Variants in PCSK5 observed in about 807,000 individuals in gnomAD.
PCSK5 encodes the protein proprotein convertase subtilisin/kexin type 5.
Under a neutral mutation model 233.2 loss-of-function variants are expected in PCSK5, and 129 were observed. The ratio of observed to expected loss-of-function variants is 0.55; its 90% CI spans 0.48 to 0.64. PCSK5 has a LOEUF of 0.64. Ranked by LOEUF, PCSK5 falls within the 30% of genes least tolerant of loss-of-function variation. The pLI, the probability that PCSK5 is intolerant of heterozygous loss-of-function variation, is 0.00. For missense variants in PCSK5, 2,076 were observed against 2,430.1 expected (o/e 0.85, Z 3.06); for synonymous variants, 825 against 879.2 (o/e 0.94, Z 1.09).
chr9:76,164,629 G>T (rs1251415028), intron 12 of PCSK5, among the ~76,000 whole-genome samples: 1 of 152,130 alleles, frequency 6.6e-6, no homozygotes, highest in African/African-American at 2.4e-5. Context: ...AAGCTCCCAG[G>T]TGATCCTGAA....
At chr9:76,023,040 C>T (rs1006862783) in intron 3 of PCSK5, among the ~76,000 whole-genome samples, 2 of 152,170 alleles carry the variant, frequency 1.3e-5, no homozygotes, top group South Asian at 4.2e-4. Context: ...GGCTTCTAGG[C>T]GCGTGGTTGA....
chr9:76,096,736 G>T (rs1831531523), intron 8 of PCSK5, among the ~76,000 whole-genome samples: 1 of 151,576 alleles, frequency 6.6e-6, no homozygotes, highest in Non-Finnish European at 1.5e-5. Context: ...CAAGTAGCTG[G>T]AATTACAGGT....
At position 75,953,879 on chromosome 9, in the gene PCSK5, AT is replaced by A. The variant is rs767359245; in HGVS notation, c.297+21400del. Among the ~76,000 whole-genome samples, 102 of 152,074 alleles carry A rather than the reference AT, an allele frequency of 6.7e-4. 1 individual carries two copies. Among genetic ancestry groups the A allele is most frequent in the Non-Finnish European group, 8.8e-4 (60 of 68,024 alleles). The stretch of plus-strand genomic sequence containing the variant: ...ATTATAAGAGTTGAGTAGAGATGGC[AT>A]TTTACTTATGAGCCCCATTGAAGTC... On this transcript the variant is annotated intron_variant, in intron 2 of 37. Transcript: ENST00000674117.
intron 3 of PCSK5, among the ~76,000 whole-genome samples, chr9:75,986,575 A>T (rs1826524625): frequency 2.6e-5 from 4 of 152,208 alleles, no homozygotes; most frequent in South Asian, 4.1e-4. Flanking sequence ...CCTATCAATA[A>T]TCATGTTACC....
chr9:75,903,895 A>T (rs1014621618), intron 1 of PCSK5, among the ~76,000 whole-genome samples: 3 of 151,982 alleles, frequency 2.0e-5, no homozygotes, highest in Admixed American at 6.6e-5. Context: ...CTGCCTACTC[A>T]TCCTGTGCCT....
Position 76,190,113 on chromosome 9 carries a change from C to T in PCSK5, c.2626+367C>T, listed in dbSNP as rs34756671. 4.1e-4 allele frequency among the ~76,000 whole-genome samples: 62 copies of T among 152,254 alleles called. 1 individual carries two copies. In the East Asian group the frequency reaches 0.011, roughly 27 times the overall value. ...CTTCCCCCACTATCAACATCAAGCA[C>T]TAGAGGAATACATTTGTTACAGTTG... On this transcript the variant is annotated intron_variant, in intron 20 of 37. Coordinates refer to ENST00000674117, the MANE Select transcript of PCSK5 (RefSeq NM_001372043.1).
chr9:76,097,866 T>G (rs1463482286), intron 8 of PCSK5, among the ~76,000 whole-genome samples: 2 of 152,238 alleles, frequency 1.3e-5, no homozygotes, highest in African/African-American at 2.4e-5. Flanking sequence ...CCCTTTTTCC[T>G]GATCATGATT....
Position 76,181,571 on chromosome 9 carries a change from A to G in PCSK5, c.2177A>G (p.Asp726Gly), listed in dbSNP as rs148860925. ...ETNSCVTHCP[D>G]GSYQDTKKNL... Reference sequence around the variant, plus strand: ...AACAGCTGTGTTACTCACTGCCCTGATGGGTCATATCAGGATACCAGTAAG... The same window carrying G: ...AACAGCTGTGTTACTCACTGCCCTGGTGGGTCATATCAGGATACCAGTAAG... The change falls in exon 16 of 38, where the codon GAT (aspartate) becomes GGT (glycine). Residue 726 changes from aspartate (D) to glycine (G), a missense_variant. This residue lies in a region of PCSK5 where 1,510 missense variants were observed against 1,538.1 expected (regional missense o/e 0.98). Transcript: ENST00000674117. 7.4e-6 allele frequency: 12 copies of G among 1,612,858 alleles called. No homozygotes were observed. The African/African-American group carries it at 1.2e-4, about 16-fold the overall frequency.
intron 22 of PCSK5, among the ~76,000 whole-genome samples, chr9:76,234,568 T>C (rs1023680802): frequency 5.3e-5 from 8 of 152,240 alleles, no homozygotes; most frequent in Non-Finnish European, 8.8e-5. Context: ...TTTCTGTATA[T>C]AAATTCATTG....
chr9:76,112,535 C>T (rs1309504365), intron 9 of PCSK5, among the ~76,000 whole-genome samples: 1 of 152,060 alleles, frequency 6.6e-6, no homozygotes, highest in African/African-American at 2.4e-5. Flanking sequence ...GGTAGGCTCA[C>T]CTACTTTCTC....
At chr9:76,100,710 A>G (rs1831719374) in intron 8 of PCSK5, among the ~76,000 whole-genome samples, 1 of 152,174 alleles carries the variant, frequency 6.6e-6, no homozygotes, top group Admixed American at 6.5e-5. Context: ...TTTAGAATAT[A>G]TACATTTCCA....
rs146917783 is a variant in PCSK5, at chr9:76,213,136, G to A, written c.2627-14367G>A. 1.1e-4 allele frequency among the ~76,000 whole-genome samples: 16 copies of A among 152,292 alleles called. No individual in the cohort carries two copies. The East Asian group carries it at 2.7e-3, about 26-fold the overall frequency. On this transcript the variant is annotated intron_variant, in intron 20 of 37. Transcript: ENST00000674117. Reference sequence around the variant, plus strand: ...TTCACCGACCTACTCAAAACCATGCGTCCATGCCTTGGACTCAGATCTTCT... The same window carrying A: ...TTCACCGACCTACTCAAAACCATGCATCCATGCCTTGGACTCAGATCTTCT...
intron 7 of PCSK5, among the ~76,000 whole-genome samples, chr9:76,079,433 C>T (rs545798559): frequency 1.1e-4 from 17 of 152,204 alleles, no homozygotes; most frequent in Non-Finnish European, 2.1e-4. Context: ...CCACCACAAC[C>T]GGCCAGATTG....
chr9:75,980,395 T>C (rs952597886), intron 2 of PCSK5, among the ~76,000 whole-genome samples: 7 of 152,204 alleles, frequency 4.6e-5, no homozygotes, highest in Non-Finnish European at 5.9e-5. Flanking sequence ...ATTTCACAAC[T>C]TCCCTCTGAA....
intron 19 of PCSK5, 37 bp downstream of exon 19, chr9:76,189,260 C>G (rs369771249): frequency 6.3e-7 from 1 of 1,581,672 alleles, no homozygotes. Context: ...AGCATTTAGA[C>G]CTAAGTTCTT....
chr9:76,044,423 G>A (rs756011899), intron 5 of PCSK5, among the ~76,000 whole-genome samples: 1 of 152,204 alleles, frequency 6.6e-6, no homozygotes, highest in East Asian at 1.9e-4. Context: ...TGTGCAGGAC[G>A]ATCGTGAAAG....
At chr9:76,122,414 A>G (rs944857440) in intron 9 of PCSK5, among the ~76,000 whole-genome samples, 3 of 152,252 alleles carry the variant, frequency 2.0e-5, no homozygotes, top group Non-Finnish European at 4.4e-5. Flanking sequence ...TTATTTTCTA[A>G]TGATATTTTC....
At chr9:76,083,815 G>T (rs1374494236) in intron 7 of PCSK5, among the ~76,000 whole-genome samples, 2 of 152,190 alleles carry the variant, frequency 1.3e-5, no homozygotes, top group African/African-American at 2.4e-5. Context: ...ACCACGAGGG[G>T]ACAGAAGAGA....
intron 20 of PCSK5, among the ~76,000 whole-genome samples, chr9:76,205,347 C>T (rs1410889366): frequency 6.6e-6 from 1 of 152,264 alleles, no homozygotes; most frequent in East Asian, 1.9e-4. Context: ...GAGACATTCG[C>T]AGACCATAGA....
Sources: allele counts gnomAD v4.1 joint callset (sites outside exome capture counted in the v4.1 genomes callset), GRCh38; gene constraint gnomAD v4.1.1; regional missense constraint gnomAD v4.1.1; transcripts MANE v1.5; gene names NCBI Gene and HGNC (gene_info 2026-07-23, HGNC 2026-07-21).